HOGA1: variants seen among roughly 807,000 people sequenced by gnomAD.
The protein encoded by HOGA1 is 4-hydroxy-2-oxoglutarate aldolase, mitochondrial.
In HOGA1, 30 loss-of-function variants were observed where a neutral mutation model predicts 34.3. That is an observed-to-expected ratio of 0.87 (90% CI 0.65 to 1.19). The LOEUF is 1.19. HOGA1 is among the 50% of genes most tolerant of loss of function. The probability of loss-of-function intolerance (pLI) is 0.00; values close to 1 mark genes in which losing one functional copy is unlikely to be tolerated. For synonymous variants in HOGA1, 161 were observed against 174.0 expected, an observed-to-expected ratio of 0.93 and a Z score of 0.59; for missense variants, 417 against 436.5, an observed-to-expected ratio of 0.96 and a Z score of 0.40.
chr10:97,599,245 G>A (rs1395275966), intron 3 of HOGA1, 29 bp downstream of exon 3: 2 of 1,613,680 alleles, frequency 1.2e-6, no homozygotes, highest in Non-Finnish European at 8.5e-7. Context: ...ACCAAGAGGA[G>A]GCTCTGCCCA....
intron 1 of HOGA1, among the ~76,000 whole-genome samples, chr10:97,595,538 A>G (rs894823704): frequency 1.3e-5 from 2 of 152,182 alleles, no homozygotes; most frequent in Non-Finnish European, 2.9e-5. Flanking sequence ...TCTACTAAAA[A>G]TACAAAAATT....
chr10:97,589,615 C>G (rs1589902035), intron 1 of HOGA1: 1 of 393,778 alleles, frequency 2.5e-6, no homozygotes, highest in East Asian at 4.6e-5. Flanking sequence ...GGCCTCTCCC[C>G]ACCCCACTCT....
At chr10:97,597,132 G>A (rs150120700) in intron 1 of HOGA1, among the ~76,000 whole-genome samples, 5,415 of 150,750 alleles carry the variant, frequency 0.036, 149 homozygotes, top group Middle Eastern at 0.092. Flanking sequence ...TTGAGACAGG[G>A]TCTTGCTCTG....
Position 97,611,712 on chromosome 10 carries a change from A to T in HOGA1, c.*53A>T, listed in dbSNP as rs2041197666. The T allele has an allele frequency of 1.3e-6, 2 of 1,580,314 alleles. No homozygotes were observed. Among genetic ancestry groups the T allele is most frequent in the South Asian group, 1.1e-5 (1 of 88,578 alleles). Reference sequence around the variant, plus strand: ...AGCCCATCTCAGCCTCCTGCCTTGCACTTGCAGCCTGAAGCGGAGAGCACA... The same window carrying T: ...AGCCCATCTCAGCCTCCTGCCTTGCTCTTGCAGCCTGAAGCGGAGAGCACA... On this transcript the variant is annotated 3_prime_UTR_variant, in exon 7 of 7. Coordinates refer to ENST00000370646, the MANE Select transcript of HOGA1 (RefSeq NM_138413.4).
intron 6 of HOGA1, among the ~76,000 whole-genome samples, chr10:97,610,137 A>T (rs2041184388): frequency 6.6e-6 from 1 of 152,210 alleles, no homozygotes; most frequent in South Asian, 2.1e-4. Context: ...AGGAAATTTG[A>T]TGCTTCATTT....
intron 1 of HOGA1, chr10:97,589,872 C>A (rs777038816): frequency 6.3e-7 from 1 of 1,585,070 alleles, no homozygotes; most frequent in South Asian, 1.1e-5. Context: ...CTGGGGACTG[C>A]CCTCTTGCTA....
At position 97,594,267 on chromosome 10, in the gene HOGA1, C is replaced by T. The variant is rs559535216; in HGVS notation, c.212-4508C>T. Among the ~76,000 whole-genome samples the T allele has an allele frequency of 1.1e-4, 16 of 151,532 alleles. 1 individual carries two copies. In the South Asian group the frequency reaches 2.9e-3, roughly 28 times the overall value. ...CTGGGCTCACTGCAACCTCCACCTCCCAGGCTTAAGCAATTCTCCTGCTTC... is the reference window on the plus strand; with the variant it reads ...CTGGGCTCACTGCAACCTCCACCTCTCAGGCTTAAGCAATTCTCCTGCTTC... On this transcript the variant is annotated intron_variant, in intron 1 of 6. Coordinates refer to ENST00000370646, the MANE Select transcript of HOGA1 (RefSeq NM_138413.4).
At chr10:97,587,010 C>T (rs530976561) in intron 1 of HOGA1, among the ~76,000 whole-genome samples, 48 of 152,306 alleles carry the variant, frequency 3.2e-4, no homozygotes, top group African/African-American at 1.1e-3. Flanking sequence ...ATCCAGTCCT[C>T]ATTTTAGAAT....
chr10:97,605,624 C>A (rs1200978280), intron 6 of HOGA1, among the ~76,000 whole-genome samples: 2 of 152,118 alleles, frequency 1.3e-5, no homozygotes, highest in Non-Finnish European at 2.9e-5. Flanking sequence ...ATGTATAGTA[C>A]AGATGTATGG....
chr10:97,605,874 C>T (rs938167522), intron 6 of HOGA1, among the ~76,000 whole-genome samples: 5 of 152,114 alleles, frequency 3.3e-5, no homozygotes, highest in African/African-American at 1.2e-4. Flanking sequence ...TCCCAGTCTA[C>T]AGCTTGTCGT....
At chr10:97,604,360 G>A (rs185702962) in intron 6 of HOGA1, among the ~76,000 whole-genome samples, 1 of 152,208 alleles carries the variant, frequency 6.6e-6, no homozygotes, top group East Asian at 1.9e-4. Flanking sequence ...GTCTTGCCCT[G>A]TCACCGGGGA....
Position 97,598,809 on chromosome 10 carries a change from T to C in HOGA1, c.246T>C (p.Pro82=), listed in dbSNP as rs2041090852. Residue 82 remains proline, a synonymous_variant, in exon 2 of 7, where the codon CCT becomes CCC. Coordinates refer to ENST00000370646, the MANE Select transcript of HOGA1 (RefSeq NM_138413.4). ...TCCAGGGCTCCAATGGCGAGTTTCC[T>C]TTCCTGACCAGCAGTGAGCGCCTCG... ...FVVQGSNGEF[P]FLTSSERLEV... 6.2e-7 allele frequency: 1 copy of C among 1,614,064 alleles called. No individual in the cohort carries two copies. The highest frequency in any genetic ancestry group is 1.3e-5 in the African/African-American group (1 of 74,910).
intron 1 of HOGA1, among the ~76,000 whole-genome samples, chr10:97,589,246 C>T (rs995730562): frequency 4.6e-5 from 7 of 151,856 alleles, no homozygotes; most frequent in African/African-American, 1.2e-4. Flanking sequence ...TGTAGTGAGG[C>T]GAGGGGCTGC....
chr10:97,601,380 G>A (rs2041115198), intron 5 of HOGA1, among the ~76,000 whole-genome samples: 1 of 152,144 alleles, frequency 6.6e-6, no homozygotes, highest in South Asian at 2.1e-4. Flanking sequence ...CATGCCTGGT[G>A]ACCTGACTCT....
chr10:97,601,889 G>A lies in HOGA1; in HGVS notation c.733G>A (p.Val245Ile), dbSNP rs755562733. The change falls in exon 6 of 7, where the codon GTC becomes ATC. Residue 245 changes from valine (V) to isoleucine (I), a missense_variant. Coordinates refer to ENST00000370646, the MANE Select transcript of HOGA1 (RefSeq NM_138413.4). ...GGGGGGCGTCTGCGCCCTGGCCAAT[G>A]TCCTGGGGGCTCAGGTGTGCCAGCT... ...AVGGVCALAN[V>I]LGAQVCQLER... is the part of the protein sequence containing the mutation. 5.6e-6 allele frequency: 9 copies of A among 1,612,556 alleles called. No individual in the cohort carries two copies. The highest frequency in any genetic ancestry group is 7.6e-6 in the Non-Finnish European group (9 of 1,180,034).
intron 6 of HOGA1, among the ~76,000 whole-genome samples, chr10:97,604,003 C>T (rs1008316309): frequency 1.3e-5 from 2 of 152,214 alleles, no homozygotes; most frequent in Non-Finnish European, 2.9e-5. Flanking sequence ...GGATATTGAC[C>T]TTGATACAGT....
At chr10:97,593,377 T>A (rs994577872) in intron 1 of HOGA1, among the ~76,000 whole-genome samples, 1 of 151,948 alleles carries the variant, frequency 6.6e-6, no homozygotes, top group African/African-American at 2.4e-5. Flanking sequence ...CTCGGGAGGC[T>A]GAGACAGAAG....
chr10:97,599,487 G>A (rs565920860), intron 3 of HOGA1, 193 bp from the exon 4 acceptor site: 24 of 791,742 alleles, frequency 3.0e-5, no homozygotes, highest in African/African-American at 8.4e-5. Flanking sequence ...AGAACTGTGC[G>A]TGGCATATGG....
At chr10:97,587,624 C>T (rs1203124056) in intron 1 of HOGA1, among the ~76,000 whole-genome samples, 2 of 152,106 alleles carry the variant, frequency 1.3e-5, no homozygotes, top group African/African-American at 4.8e-5. Flanking sequence ...TCTCATGCCT[C>T]AGCCTCCTGA....
Sources: allele counts gnomAD v4.1 joint callset (sites outside exome capture counted in the v4.1 genomes callset), GRCh38; gene constraint gnomAD v4.1.1; transcripts MANE v1.5; gene names NCBI Gene and HGNC (gene_info 2026-07-23, HGNC 2026-07-21).